The following TAOK2 variants were observed in gnomAD, a reference collection of about 807,000 sequenced individuals.
The protein encoded by TAOK2 is TAO kinase 2.
A neutral mutation model predicts 122.5 loss-of-function variants in TAOK2; 42 were observed. The ratio of observed to expected loss-of-function variants is 0.34; its 90% CI spans 0.27 to 0.44. TAOK2 has a LOEUF of 0.44. TAOK2 is among the 20% of genes least tolerant of loss of function. The probability of loss-of-function intolerance (pLI) is 1.00; values close to 1 mark genes in which losing one functional copy is unlikely to be tolerated. For missense variants in TAOK2, 1,264 were observed against 1,644.9 expected, an observed-to-expected ratio of 0.77 and a Z score of 4.01; for synonymous variants, 704 against 677.6, an observed-to-expected ratio of 1.04 and a Z score of -0.61.
At chr16:29,990,736 T>C, downstream of TAOK2, 1 of 1,544,928 alleles carries the variant, frequency 6.5e-7, no homozygotes, top group Non-Finnish European at 8.8e-7. Context: ...GGGAGGATAG[T>C]GGGGGTGGGG....
In TAOK2 at chr16:29,987,179, G is replaced by A. The variant is rs1210273273; in HGVS notation, c.2907G>A (p.Leu969=). 6.5e-7 allele frequency: 1 copy of A among 1,535,662 alleles called. No homozygotes were observed. Among genetic ancestry groups the A allele is most frequent in the African/African-American group, 1.4e-5 (1 of 72,024 alleles). The change falls in exon 16 of 16, where the codon CTG becomes CTA. Residue 969 remains leucine, a synonymous_variant. Coordinates refer to ENST00000308893, the MANE Select transcript of TAOK2 (RefSeq NM_016151.4). The part of the protein sequence containing the change: ...VGSSSGLLPL[L]LLLLLPLLAA... ...CCTCCTCTGGCCTCCTGCCCCTCCT[G>A]CTGCTGCTGCTGCTTCCATTGCTGG...
At chr16:29,975,330 A>C (rs532178841) in intron 1 of TAOK2, among the ~76,000 whole-genome samples, 1 of 152,176 alleles carries the variant, frequency 6.6e-6, no homozygotes, top group Non-Finnish European at 1.5e-5. Flanking sequence ...CCCATTTTAC[A>C]GTTGAGAACG....
chr16:29,985,391 G>T lies in TAOK2; in HGVS notation c.1601G>T (p.Gly534Val), dbSNP rs1238878095. Residue 534 changes from glycine to valine, a missense_variant, in exon 14 of 16, where the codon GGC (glycine) becomes GTC (valine). Transcript: ENST00000308893. The surrounding 1 kb of genome is among the most constrained non-coding windows in gnomAD (Gnocchi z 6.9). ...CGGGAGCTTGAGGCGCAGCGGGCTG[G>T]CTTTGGGGCAGAGGCAGAAAAGCTG... The part of the protein sequence containing the change: ...LQRELEAQRA[G>V]FGAEAEKLAR... 1 of 1,609,590 alleles carries T rather than the reference G, an allele frequency of 6.2e-7. No homozygotes were observed. Among genetic ancestry groups the T allele is most frequent in the Admixed American group, 1.7e-5 (1 of 59,302 alleles).
In TAOK2 at chr16:29,979,890, TTAC is replaced by T. The variant is rs527984320; in HGVS notation, c.655+383_655+385del. Among the ~76,000 whole-genome samples, 222 of 152,230 alleles carry T rather than the reference TTAC, an allele frequency of 1.5e-3. No individual in the cohort carries two copies. The highest frequency in any genetic ancestry group is 5.3e-3 in the African/African-American group (221 of 41,524). ...ATGTGATGAACGCTGTGTGGAGAAG[TTAC>T]AGGAGCGGTTCAAATGTAAAACAGG... is the stretch of plus-strand genomic sequence containing the variant. On this transcript the variant is annotated intron_variant, in intron 8 of 15. Transcript: ENST00000308893. This position sits in a 1 kb window ranked among gnomAD's most constrained non-coding sequence, Gnocchi z 4.1.
rs758010344 is a variant in TAOK2 at position 29,981,686 on chromosome 16, C to T, written c.681C>T (p.Asn227=). The T allele has an allele frequency of 1.2e-6, 2 of 1,614,210 alleles. No individual in the cohort carries two copies. The highest frequency in any genetic ancestry group is 1.1e-5 in the South Asian group (1 of 91,080). The part of the protein sequence containing the change: ...ELAERKPPLF[N]MNAMSALYHI... ...CTGAACGGAAACCACCGCTCTTTAA[C>T]ATGAATGCGATGAGTGCCTTATACC... The change falls in exon 9 of 16, where the codon AAC becomes AAT. Residue 227 remains asparagine (N), a synonymous_variant. Transcript: ENST00000308893.
At position 29,986,228 on chromosome 16, in the gene TAOK2, T is replaced by C. The variant is rs755827921; in HGVS notation, c.1993-37T>C. 1 of 1,507,512 alleles carries C rather than the reference T, an allele frequency of 6.6e-7. No individual in the cohort carries two copies. Among genetic ancestry groups the C allele is most frequent in the Admixed American group, 2.4e-5 (1 of 42,254 alleles). The allele number at this position is 1,507,512 out of a possible 1,614,324, so 93.4% of individuals were successfully genotyped here. On this transcript the variant is annotated intron_variant, in intron 15 of 15. Transcript: ENST00000308893. The surrounding 1 kb of genome is among the most constrained non-coding windows in gnomAD (Gnocchi z 4.2). ...CCCTGGCCTCTCACTTCCTTGATAC[T>C]GACCAGGCCCCGGGCCCTGCATTTC...
intron 10 of TAOK2, 131 bp downstream of exon 10, chr16:29,982,071 C>T (rs1172564131): frequency 1.4e-6 from 1 of 720,032 alleles, no homozygotes; most frequent in African/African-American, 1.8e-5. Flanking sequence ...ACCCCATCCC[C>T]AATGCCTAGT....
intron 13 of TAOK2, among the ~76,000 whole-genome samples, chr16:29,983,897 G>A (rs4788204): frequency 0.43 from 64,984 of 151,848 alleles, 13,978 homozygotes; most frequent in South Asian, 0.49. Context: ...CTCTTACTCC[G>A]TTTTTGTGGC....
At chr16:29,991,437 C>T (rs1207293583), downstream of TAOK2, 6 of 1,518,878 alleles carry the variant, frequency 4.0e-6, no homozygotes, top group African/African-American at 1.4e-5. This position sits in a 1 kb window ranked among gnomAD's most constrained non-coding sequence, Gnocchi z 5.6. Context: ...CCAGCCCCTG[C>T]GGCGGGCAGC....
At chr16:29,978,760 C>T (rs932544126) in intron 4 of TAOK2, 39 bp from the exon 5 acceptor site, 2 of 1,612,454 alleles carry the variant, frequency 1.2e-6, no homozygotes, top group East Asian at 2.2e-5. Context: ...GAGTCCCTGC[C>T]CAGGAGACTC....
rs745547469 is a variant in TAOK2, at chr16:29,983,586, T to G, written c.1344T>G (p.Thr448=). The G allele has an allele frequency of 1.9e-6, 3 of 1,613,942 alleles. No individual in the cohort carries two copies. The highest frequency in any genetic ancestry group is 2.5e-6 in the Non-Finnish European group (3 of 1,179,970). Residue 448 remains threonine (T), a synonymous_variant, in exon 13 of 16, where the codon ACT becomes ACG. Transcript: ENST00000308893. ...PLQPPAAPAP[T]STTSSARRRA... ...AGCCGCCTGCAGCCCCAGCTCCCAC[T>G]TCCACCACCTCTTCCGCCCGCCGCC...
At chr16:29,976,808 T>A (rs2069469307) in intron 1 of TAOK2, among the ~76,000 whole-genome samples, 1 of 152,114 alleles carries the variant, frequency 6.6e-6, no homozygotes, top group Non-Finnish European at 1.5e-5. Context: ...CTTTTTCTTC[T>A]CTGTGCCTCA....
chr16:29,986,620 T>C lies in TAOK2; in HGVS notation c.2348T>C (p.Val783Ala). The change falls in exon 16 of 16, where the codon GTC becomes GCC. Residue 783 changes from valine to alanine, a missense_variant. Transcript: ENST00000308893. This position sits in a 1 kb window ranked among gnomAD's most constrained non-coding sequence, Gnocchi z 4.2. ...QQPCSPGQEAVLDQRMLGEEE... is the reference protein window; with the variant it reads ...QQPCSPGQEAALDQRMLGEEE... ...CCCTGCTCACCTGGCCAGGAGGCAG[T>C]CCTGGACCAAAGAATGCTTGGCGAG... is the stretch of plus-strand genomic sequence containing the variant. 6.2e-7 allele frequency: 1 copy of C among 1,612,120 alleles called. No homozygotes were observed. Among genetic ancestry groups the C allele is most frequent in the African/African-American group, 1.3e-5 (1 of 74,826 alleles).
In TAOK2 at chr16:29,982,802, C is replaced by A; in HGVS notation, c.900C>A (p.Ala300=). ...IMDLIQRTKD[A]VRELDNLQYR... ...ACCTGATCCAGAGGACCAAGGATGC[C>A]GTGCGGGAGCTGGACAACCTGCAGT... The change falls in exon 11 of 16, where the codon GCC becomes GCA. Residue 300 remains alanine (A), a synonymous_variant. Coordinates refer to ENST00000308893, the MANE Select transcript of TAOK2 (RefSeq NM_016151.4). The A allele has an allele frequency of 6.2e-7, 1 of 1,613,984 alleles. No individual in the cohort carries two copies. Among genetic ancestry groups the A allele is most frequent in the Non-Finnish European group, 8.5e-7 (1 of 1,179,956 alleles).
Position 29,983,296 on chromosome 16 carries a change from A to C in TAOK2, c.1224A>C (p.Thr408=). ...CCATGATGCAGGAGGGGGAGCACACAGTCACCTCTCACAGCTCCATTATCC... is the reference window on the plus strand; with the variant it reads ...CCATGATGCAGGAGGGGGAGCACACCGTCACCTCTCACAGCTCCATTATCC... ...EMAMMQEGEH[T]VTSHSSIIHR... The change falls in exon 12 of 16, where the codon ACA becomes ACC. Residue 408 remains threonine (T), a synonymous_variant. Coordinates refer to ENST00000308893, the MANE Select transcript of TAOK2 (RefSeq NM_016151.4). 1.2e-6 allele frequency: 2 copies of C among 1,603,092 alleles called. No homozygotes were observed. The highest frequency in any genetic ancestry group is 1.7e-6 in the Non-Finnish European group (2 of 1,179,522).
chr16:29,991,725 GC>G, downstream of TAOK2: 1 of 1,014,466 alleles, frequency 9.9e-7, no homozygotes, highest in Non-Finnish European at 1.3e-6. This position sits in a 1 kb window ranked among gnomAD's most constrained non-coding sequence, Gnocchi z 5.6. Context: ...CTTGGGGCTG[GC>G]CAGTGGCCCA....
At chr16:29,978,029 A>G in intron 2 of TAOK2, 60 bp from the exon 3 acceptor site, 1 of 1,612,666 alleles carries the variant, frequency 6.2e-7, no homozygotes, top group Non-Finnish European at 8.5e-7. Flanking sequence ...CTGGGCCAGC[A>G]AGTCTTCCCA....
chr16:29,983,559 C>T lies in TAOK2; in HGVS notation c.1317C>T (p.Leu439=), dbSNP rs538697973. Residue 439 remains leucine (L), a synonymous_variant, in exon 13 of 16, where the codon CTC becomes CTT. Transcript: ENST00000308893. Reference sequence around the variant, plus strand: ...AGCCAGAGATAACCCCCAGCCCTCTCCAGCCGCCTGCAGCCCCAGCTCCCA... The same window carrying T: ...AGCCAGAGATAACCCCCAGCCCTCTTCAGCCGCCTGCAGCCCCAGCTCCCA... The part of the protein sequence containing the change: ...PYQPEITPSP[L]QPPAAPAPTS... The T allele has an allele frequency of 8.1e-6, 13 of 1,613,956 alleles. No homozygotes were observed. The African/African-American group carries it at 1.2e-4, about 15-fold the overall frequency.
intron 10 of TAOK2, 152 bp from the exon 11 acceptor site, chr16:29,982,582 A>AATT (rs10673322): frequency 0.73 from 728,368 of 995,544 alleles, 272,471 homozygotes; most frequent in East Asian, 0.96. Flanking sequence ...TGGTACAGAA[A>AATT]ATTGTGAGAG....
Sources: allele counts gnomAD v4.1 joint callset (sites outside exome capture counted in the v4.1 genomes callset), GRCh38; gene constraint gnomAD v4.1.1; non-coding constraint Gnocchi (gnomAD v3.1); transcripts MANE v1.5; gene names NCBI Gene and HGNC (gene_info 2026-07-23, HGNC 2026-07-21).